SLCO5A1: variants seen among roughly 807,000 people sequenced by gnomAD.
SLCO5A1 encodes the protein solute carrier organic anion transporter family member 5A1, also known as organic anion transporter polypeptide-related protein 4.
Under a neutral mutation model 65.1 loss-of-function variants are expected in SLCO5A1, and 39 were observed. That is an observed-to-expected ratio of 0.60 (90% confidence interval 0.46 to 0.78). The LOEUF is 0.78. Among genes scored for constraint, SLCO5A1 ranks in the 30% least tolerant of loss-of-function variants. SLCO5A1 has a pLI of 0.00. For synonymous variants in SLCO5A1, 438 were observed against 415.7 expected, an observed-to-expected ratio of 1.05 and a Z score of -0.65; for missense variants, 1,029 against 1,069.4, an observed-to-expected ratio of 0.96 and a Z score of 0.53.
rs1364271092 is a variant in SLCO5A1 at position 69,794,307 on chromosome 8, A to G, written c.908-32432T>C. 3.7e-5 allele frequency: 17 copies of G among 462,422 alleles called. No individual in the cohort carries two copies. The Admixed American group carries it at 3.9e-4, about 11-fold the overall frequency. The allele number at this position is 462,422 out of a possible 1,614,324, so 28.6% of individuals were successfully genotyped here. ...AGAAGTTCTTGAGGTTAATGTAGCA[A>G]AAGTAGATGTCACAGGGCAGCCAGG... On this transcript the variant is annotated intron_variant, in intron 2 of 9. Coordinates refer to ENST00000260126, the MANE Select transcript of SLCO5A1 (RefSeq NM_030958.3).
chr8:69,694,905 T>C (rs1158016637), intron 6 of SLCO5A1, among the ~76,000 whole-genome samples: 5 of 152,222 alleles, frequency 3.3e-5, no homozygotes, highest in Non-Finnish European at 4.4e-5. Flanking sequence ...AAAGGTGTAC[T>C]GTAATTCATG....
intron 2 of SLCO5A1, among the ~76,000 whole-genome samples, chr8:69,817,339 G>A (rs1260552725): frequency 3.3e-5 from 5 of 152,078 alleles, no homozygotes. Flanking sequence ...TTTTAAGGCT[G>A]AATAATATTA....
intron 5 of SLCO5A1, among the ~76,000 whole-genome samples, chr8:69,729,693 A>G (rs571860425): frequency 6.6e-6 from 1 of 152,226 alleles, no homozygotes; most frequent in South Asian, 2.1e-4. Flanking sequence ...ATTCAAAGAG[A>G]GAGAGAGAGA....
At position 69,766,466 on chromosome 8, in the gene SLCO5A1, A is replaced by T. The variant is rs572112020; in HGVS notation, c.908-4591T>A. ...TCTTTAACCTTCCAGGCACATCTCC[A>T]CCTTAGGGTCTTACCAGTTGCTCTG... On this transcript the variant is annotated intron_variant, in intron 2 of 9. Transcript: ENST00000260126. Among the ~76,000 whole-genome samples the T allele has an allele frequency of 3.3e-5, 5 of 151,200 alleles. No homozygotes were observed. The East Asian group carries it at 9.8e-4, about 30-fold the overall frequency.
chr8:69,778,467 T>TA (rs200237937), intron 2 of SLCO5A1, among the ~76,000 whole-genome samples: 15 of 150,188 alleles, frequency 1.0e-4, no homozygotes, highest in African/African-American at 2.2e-4. Context: ...AAAAAGTCAT[T>TA]AAAAAAAAAT....
intron 2 of SLCO5A1, chr8:69,773,038 T>TGCTA (rs1426654260): frequency 3.5e-6 from 3 of 857,204 alleles, no homozygotes; most frequent in Admixed American, 1.2e-4. Flanking sequence ...GCTTCATGGA[T>TGCTA]GCTAGACACT....
intron 5 of SLCO5A1, among the ~76,000 whole-genome samples, chr8:69,733,720 C>T (rs1191434609): frequency 6.6e-6 from 1 of 152,344 alleles, no homozygotes; most frequent in Admixed American, 6.5e-5. Flanking sequence ...CTTCCTCACT[C>T]TCTTTCACCT....
At chr8:69,703,128 A>G (rs1230582736) in intron 6 of SLCO5A1, among the ~76,000 whole-genome samples, 4 of 151,720 alleles carry the variant, frequency 2.6e-5, no homozygotes, top group Non-Finnish European at 4.4e-5. Flanking sequence ...AAAAAAAGAA[A>G]AAAGAAAAAA....
chr8:69,687,603 G>C (rs552539401), intron 6 of SLCO5A1, among the ~76,000 whole-genome samples: 1 of 152,054 alleles, frequency 6.6e-6, no homozygotes, highest in South Asian at 2.1e-4. Context: ...ACTCATTGTA[G>C]AAATTTTTTA....
intron 4 of SLCO5A1, among the ~76,000 whole-genome samples, chr8:69,742,794 CTTTTTTTTTTT>C (rs10633803): frequency 1.2e-5 from 1 of 83,190 alleles, no homozygotes; most frequent in Non-Finnish European, 2.1e-5. Context: ...TGAGTGGATT[CTTTTTTTTTTT>C]TTTTTTTTTT....
intron 2 of SLCO5A1, among the ~76,000 whole-genome samples, chr8:69,831,563 T>C (rs186751704): frequency 1.1e-4 from 17 of 152,332 alleles, no homozygotes; most frequent in Admixed American, 9.8e-4. Flanking sequence ...AGTATGAGTC[T>C]GAAAATTAGT....
At chr8:69,788,332 C>T (rs530223345) in intron 2 of SLCO5A1, among the ~76,000 whole-genome samples, 99 of 152,268 alleles carry the variant, frequency 6.5e-4, no homozygotes, top group African/African-American at 2.3e-3. Flanking sequence ...GGTGTTAATA[C>T]GGAATTGGAT....
At chr8:69,767,015 C>CA (rs1418836810) in intron 2 of SLCO5A1, among the ~76,000 whole-genome samples, 1 of 152,244 alleles carries the variant, frequency 6.6e-6, no homozygotes, top group African/African-American at 2.4e-5. Flanking sequence ...CAGCAGATAT[C>CA]AACCCATATT....
chr8:69,797,920 A>T (rs1189293083), intron 2 of SLCO5A1, among the ~76,000 whole-genome samples: 4 of 152,088 alleles, frequency 2.6e-5, no homozygotes. Context: ...TCTGTGACCC[A>T]CACCCTATTT....
intron 2 of SLCO5A1, among the ~76,000 whole-genome samples, chr8:69,817,914 G>A (rs1381959856): frequency 2.0e-5 from 3 of 152,098 alleles, no homozygotes; most frequent in Admixed American, 6.5e-5. Context: ...CCCACCAAGG[G>A]GCCTTAGAAG....
At chr8:69,716,822 C>T (rs1815564335) in intron 5 of SLCO5A1, among the ~76,000 whole-genome samples, 1 of 150,944 alleles carries the variant, frequency 6.6e-6, no homozygotes, top group African/African-American at 2.4e-5. Context: ...CTCTGTCACC[C>T]AGGCTGGAGT....
At chr8:69,833,324 C>T (rs556998116) in intron 1 of SLCO5A1, 155 bp from the exon 2 acceptor site, 1 of 152,446 alleles carries the variant, frequency 6.6e-6, no homozygotes, top group East Asian at 1.9e-4. Flanking sequence ...AGGCAGCAGC[C>T]GGCTGCAGTC....
chr8:69,700,216 G>C (rs1417507984), intron 6 of SLCO5A1: 1 of 152,186 alleles, frequency 6.6e-6, no homozygotes, highest in Non-Finnish European at 1.5e-5. Context: ...TAAATAATAA[G>C]GAAAGGAGGA....
At chr8:69,821,663 C>T (rs1041193841) in intron 2 of SLCO5A1, among the ~76,000 whole-genome samples, 1 of 151,626 alleles carries the variant, frequency 6.6e-6, no homozygotes, top group Middle Eastern at 3.2e-3. Context: ...CAAAAATTAG[C>T]CACACATGTG....
Sources: allele counts gnomAD v4.1 joint callset (sites outside exome capture counted in the v4.1 genomes callset), GRCh38; gene constraint gnomAD v4.1.1; transcripts MANE v1.5; gene names NCBI Gene and HGNC (gene_info 2026-07-23, HGNC 2026-07-21).